Variants in VPS13C observed in about 807,000 individuals in gnomAD.
VPS13C encodes vacuolar protein sorting 13 homolog C, also known as intermembrane lipid transfer protein VPS13C.
VPS13C carries 358 observed loss-of-function variants against 456.8 expected under a neutral mutation model. The observed-to-expected ratio is 0.78, with a 90% CI of 0.72 to 0.86. The LOEUF is 0.86. Ranked by LOEUF, VPS13C falls within the 40% of genes least tolerant of loss-of-function variation. VPS13C has a pLI of 0.00. For synonymous variants in VPS13C, 1,578 were observed against 1,486.7 expected (o/e 1.06, Z -1.41); for missense variants, 4,818 against 4,385.4 (o/e 1.10, Z -2.79).
intron 6 of VPS13C, among the ~76,000 whole-genome samples, chr15:62,027,232 C>T (rs756282207): frequency 4.6e-5 from 7 of 151,894 alleles, no homozygotes; most frequent in South Asian, 2.1e-4. Context: ...TTTTTATCTA[C>T]GTTAATATAC....
chr15:61,978,659 T>C lies in VPS13C; in HGVS notation c.2257A>G (p.Ile753Val). Residue 753 changes from isoleucine (I) to valine (V), a missense_variant, in exon 23 of 85, where the codon ATA becomes GTA. By Grantham distance (29) the Ile-to-Val change is conservative. Coordinates refer to ENST00000644861, the MANE Select transcript of VPS13C (RefSeq NM_020821.3). ...DKAYDKFDVE[I>V]KNVQLLFARA... ...GCAAAAAGTAGTTGTACATTTTTTA[T>C]TTCAACATCAAACTTGTCATATGCC... 4 of 1,612,422 alleles carry C rather than the reference T, an allele frequency of 2.5e-6. No individual in the cohort carries two copies. Among genetic ancestry groups the C allele is most frequent in the Non-Finnish European group, 3.4e-6 (4 of 1,179,468 alleles).
In VPS13C at chr15:62,015,267, G is replaced by A. The variant is rs1425751379; in HGVS notation, c.685-1275C>T. 3.9e-5 allele frequency among the ~76,000 whole-genome samples: 6 copies of A among 152,252 alleles called. No individual in the cohort carries two copies. The East Asian group carries it at 1.2e-3, about 29-fold the overall frequency. ...CTACCTCAAATTCATTTTGGAAACA[G>A]GCAAAGGATAAACTAGTTTCCTCCC... On this transcript the variant is annotated intron_variant, in intron 9 of 84. Coordinates refer to ENST00000644861, the MANE Select transcript of VPS13C (RefSeq NM_020821.3).
intron 55 of VPS13C, 119 bp downstream of exon 55, chr15:61,921,828 C>CAG: frequency 1.1e-6 from 1 of 910,076 alleles, no homozygotes; most frequent in South Asian, 1.6e-5. Context: ...ACCTCATGGA[C>CAG]AGAGCCCTTA....
At chr15:62,053,574 C>A (rs964331093) in intron 1 of VPS13C, among the ~76,000 whole-genome samples, 1 of 152,222 alleles carries the variant, frequency 6.6e-6, no homozygotes, top group African/African-American at 2.4e-5. Flanking sequence ...AAGGATCTCA[C>A]GTTGTTCTTG....
At chr15:61,991,479 T>G (rs1713083604) in intron 17 of VPS13C, among the ~76,000 whole-genome samples, 194 bp downstream of exon 17, 2 of 152,228 alleles carry the variant, frequency 1.3e-5, no homozygotes, top group Non-Finnish European at 2.9e-5. Flanking sequence ...AAAAAATCAA[T>G]GTTTTATTTT....
chr15:61,958,757 TA>T, intron 36 of VPS13C, 41 bp from the exon 37 acceptor site: 1 of 1,083,802 alleles, frequency 9.2e-7, no homozygotes, highest in African/African-American at 1.7e-5. Context: ...TATTACGTTT[TA>T]AAATGAAACA....
chr15:62,015,585 AC>A (rs2096203401), intron 9 of VPS13C, among the ~76,000 whole-genome samples: 2 of 140,342 alleles, frequency 1.4e-5, no homozygotes, highest in Non-Finnish European at 3.1e-5. Context: ...ACCATGGAAT[AC>A]TATGCAGCCA....
chr15:61,912,218 A>G (rs1025319269), intron 62 of VPS13C, among the ~76,000 whole-genome samples: 6 of 152,236 alleles, frequency 3.9e-5, no homozygotes, highest in African/African-American at 1.2e-4. Flanking sequence ...AGAAATATCA[A>G]TTAGTAATTT....
chr15:61,891,708 CATATT>C (rs1230485454), intron 66 of VPS13C, among the ~76,000 whole-genome samples: 3 of 152,146 alleles, frequency 2.0e-5, no homozygotes. Context: ...CCTTCTGTGT[CATATT>C]ATCATTATCT....
intron 73 of VPS13C, among the ~76,000 whole-genome samples, chr15:61,879,946 G>A (rs568055994): frequency 6.6e-6 from 1 of 152,060 alleles, no homozygotes; most frequent in Non-Finnish European, 1.5e-5. Flanking sequence ...GCTGTAAACA[G>A]TTTTTGAGAA....
At chr15:62,025,614 TTCTG>T (rs2047611434) in intron 6 of VPS13C, among the ~76,000 whole-genome samples, 1 of 152,134 alleles carries the variant, frequency 6.6e-6, no homozygotes, top group Non-Finnish European at 1.5e-5. Flanking sequence ...TAGCACCATG[TTCTG>T]TCTTTCATCT....
intron 15 of VPS13C, among the ~76,000 whole-genome samples, chr15:62,002,359 T>C (rs1181437127): frequency 6.6e-6 from 1 of 152,202 alleles, no homozygotes; most frequent in African/African-American, 2.4e-5. Flanking sequence ...CACTTTTTGA[T>C]GGGGTTGTTT....
Position 61,859,000 on chromosome 15 carries a change from C to G in VPS13C, c.10953-2591G>C, listed in dbSNP as rs774940673. Among the ~76,000 whole-genome samples the G allele has an allele frequency of 1.3e-5, 2 of 152,120 alleles. No individual in the cohort carries two copies. Among genetic ancestry groups the G allele is most frequent in the East Asian group, 3.9e-4 (2 of 5,184 alleles). On this transcript the variant is annotated intron_variant, in intron 82 of 84. Transcript: ENST00000644861. This position sits in a 1 kb window ranked among gnomAD's most constrained non-coding sequence, Gnocchi z 4.4. ...ATCATATTACTTGTTTACAAACCTT[C>G]TGTGGGGTAGAAAAAAAGAGAGATT...
At chr15:62,049,794 G>A (rs550648537) in intron 1 of VPS13C, among the ~76,000 whole-genome samples, 1 of 152,114 alleles carries the variant, frequency 6.6e-6, no homozygotes, top group East Asian at 1.9e-4. Context: ...GTGGTTTGTA[G>A]TTCTCCTTGA....
rs2044046365 is a variant in VPS13C at position 61,931,262 on chromosome 15, A to T, written c.5869-3T>A. 1 of 1,608,036 alleles carries T rather than the reference A, an allele frequency of 6.2e-7. No homozygotes were observed. Among genetic ancestry groups the T allele is most frequent in the Non-Finnish European group, 8.5e-7 (1 of 1,177,618 alleles). On this transcript the variant is annotated splice_polypyrimidine_tract_variant and splice_region_variant and intron_variant, in intron 49 of 84. Coordinates refer to ENST00000644861, the MANE Select transcript of VPS13C (RefSeq NM_020821.3). ...TTATGAAATGCAACTCCAGATTCCTATGGTACATTTTTCAAGCAAAAGAAT... is the reference window on the plus strand; with the variant it reads ...TTATGAAATGCAACTCCAGATTCCTTTGGTACATTTTTCAAGCAAAAGAAT...
chr15:61,966,340 A>C (rs1375469841), intron 29 of VPS13C, among the ~76,000 whole-genome samples, 198 bp from the exon 30 acceptor site: 1 of 151,754 alleles, frequency 6.6e-6, no homozygotes, highest in Non-Finnish European at 1.5e-5. Context: ...TCTCCTCTTC[A>C]AACATGGGAG....
chr15:61,959,702 GAA>G, intron 35 of VPS13C, 107 bp from the exon 36 acceptor site: 1 of 1,075,174 alleles, frequency 9.3e-7, no homozygotes, highest in Non-Finnish European at 1.3e-6. Flanking sequence ...ATACTGATCT[GAA>G]ACAGTGTGGC....
In VPS13C at chr15:62,006,660, G is replaced by A. The variant is rs146541734; in HGVS notation, c.1290+648C>T. Among the ~76,000 whole-genome samples, 152 of 152,248 alleles carry A rather than the reference G, an allele frequency of 1.0e-3. 2 individuals carry two copies. The East Asian group carries it at 0.026, about 26-fold the overall frequency. On this transcript the variant is annotated intron_variant, in intron 15 of 84. Transcript: ENST00000644861. ...GGGTCAAATGGTATTTCTAGTTCTG[G>A]ATCCCTGAGGAATCGCCACACTGAC...
At chr15:62,043,893 C>G (rs1225085873) in intron 2 of VPS13C, among the ~76,000 whole-genome samples, 1 of 151,962 alleles carries the variant, frequency 6.6e-6, no homozygotes, top group African/African-American at 2.4e-5. Flanking sequence ...TAAAATCAAG[C>G]CCTCATTTAT....
Sources: gnomAD v4.1 joint callset for allele counts (sites outside exome capture counted in the v4.1 genomes callset) on GRCh38, gnomAD v4.1.1 for gene constraint, Gnocchi (gnomAD v3.1) non-coding constraint, MANE v1.5 for transcripts, NCBI Gene and HGNC (gene_info 2026-07-23, HGNC 2026-07-21) for gene names.